The following RGPD2 variants were observed in gnomAD, a reference collection of about 807,000 sequenced individuals.
RGPD2 encodes RANBP2 like and GRIP domain containing 2.
Under a neutral mutation model 36.0 loss-of-function variants are expected in RGPD2, and 2 were observed. The ratio of observed to expected loss-of-function variants is 0.06; its 90% confidence interval spans 0.02 to 0.17. The LOEUF (loss-of-function observed/expected upper bound fraction) is 0.17, where lower values mean the gene tolerates loss of function less well. Ranked by LOEUF, RGPD2 falls within the 10% of genes least tolerant of loss-of-function variation. The pLI is 1.00. For synonymous variants in RGPD2, 19 were observed against 163.8 expected, an observed-to-expected ratio of 0.12 and a Z score of 6.75; for missense variants, 40 against 464.3, an observed-to-expected ratio of 0.09 and a Z score of 8.40.
the RGPD2 span, among the ~76,000 whole-genome samples, chr2:87,857,351 T>C: frequency 1.3e-5 from 2 of 150,534 alleles, no homozygotes; most frequent in East Asian, 1.9e-4. Context: ...TTTGTATACT[T>C]TTTTTTTTTG....
the RGPD2 span, among the ~76,000 whole-genome samples, chr2:87,971,528 G>A: frequency 7.3e-6 from 1 of 137,680 alleles, no homozygotes; most frequent in Non-Finnish European, 1.6e-5. Flanking sequence ...ATGAAGTTAT[G>A]GAAATTACAA....
chr2:87,945,164 A>G, the RGPD2 span, among the ~76,000 whole-genome samples: 2 of 152,392 alleles, frequency 1.3e-5, no homozygotes, highest in Non-Finnish European at 2.9e-5. Flanking sequence ...TTTATGTGGG[A>G]AGCAATGTAT....
At chr2:87,986,891 A>AAG in the RGPD2 span, among the ~76,000 whole-genome samples, 3 of 150,586 alleles carry the variant, frequency 2.0e-5, no homozygotes, top group Admixed American at 2.0e-4. Context: ...AAAAAAAAAA[A>AAG]TCACTATGAA....
At chr2:87,969,946 A>T in the RGPD2 span, among the ~76,000 whole-genome samples, 17 of 149,874 alleles carry the variant, frequency 1.1e-4, no homozygotes, top group African/African-American at 4.2e-4. Context: ...TTTTCAGATG[A>T]CAATTATAAA....
the RGPD2 span, among the ~76,000 whole-genome samples, chr2:87,854,650 G>A: frequency 2.6e-5 from 4 of 152,124 alleles, no homozygotes; most frequent in Admixed American, 6.5e-5. Context: ...CTTTCAGACT[G>A]GCTTCTTTCA....
the RGPD2 span, among the ~76,000 whole-genome samples, chr2:87,916,733 C>T: frequency 6.6e-6 from 1 of 151,416 alleles, no homozygotes; most frequent in African/African-American, 2.4e-5. Flanking sequence ...GAGGCCTCCC[C>T]AGAATCAGAA....
chr2:87,809,299 C>T lies in RGPD2; in HGVS notation c.779+2186G>A, dbSNP rs536019282. Reference sequence around the variant, plus strand: ...CAGCCTGGGCAACAGAGCGAGACTCCGTCTCAAAAAAAAAAAAGATCGAGA... The same window carrying T: ...CAGCCTGGGCAACAGAGCGAGACTCTGTCTCAAAAAAAAAAAAGATCGAGA... On this transcript the variant is annotated intron_variant, in intron 6 of 22. Coordinates refer to ENST00000398146, the MANE Select transcript of RGPD2 (RefSeq NM_001078170.3). 1.4e-3 allele frequency among the ~76,000 whole-genome samples: 208 copies of T among 150,828 alleles called. 7 individuals are homozygous for T. In the South Asian group the frequency reaches 0.028, roughly 21 times the overall value.
the RGPD2 span, among the ~76,000 whole-genome samples, chr2:87,961,567 AG>A: frequency 6.6e-6 from 1 of 151,178 alleles, no homozygotes; most frequent in East Asian, 2.0e-4. Context: ...CCGGGCGTGG[AG>A]GTGGGCCCCT....
the RGPD2 span, among the ~76,000 whole-genome samples, chr2:87,852,843 ATTGTT>A: frequency 6.6e-6 from 1 of 152,294 alleles, no homozygotes; most frequent in Admixed American, 6.5e-5. Context: ...CCTATTTGTT[ATTGTT>A]TTATTTTCTC....
the RGPD2 span, among the ~76,000 whole-genome samples, chr2:87,863,481 TCTGGAATTAA>T: frequency 6.6e-6 from 1 of 150,548 alleles, no homozygotes; most frequent in African/African-American, 2.5e-5. Flanking sequence ...CCTAGGCCCT[TCTGGAATTAA>T]GGTTTGGTTA....
At chr2:87,843,569 CTGGAGAGGATG>C in the RGPD2 span, among the ~76,000 whole-genome samples, 1 of 142,062 alleles carries the variant, frequency 7.0e-6, no homozygotes, top group Non-Finnish European at 1.5e-5. Context: ...ACAACAGGTG[CTGGAGAGGATG>C]TGGAGAAATA....
At chr2:87,888,627 G>A in the RGPD2 span, among the ~76,000 whole-genome samples, 591 of 32,434 alleles carry the variant, frequency 0.018, 11 homozygotes, top group South Asian at 0.045. Context: ...AATTAAATGT[G>A]TATAAATGGA....
chr2:87,947,459 G>C, the RGPD2 span, among the ~76,000 whole-genome samples: 2 of 152,272 alleles, frequency 1.3e-5, no homozygotes, highest in Admixed American at 6.5e-5. Context: ...GGCTTCCTTC[G>C]GTCCTGGATG....
chr2:87,805,859 C>CAA (rs553054856), intron 7 of RGPD2, among the ~76,000 whole-genome samples: 2 of 91,210 alleles, frequency 2.2e-5, no homozygotes, highest in African/African-American at 4.0e-5. Flanking sequence ...GACTCCGTCT[C>CAA]AAAAAAAAAA....
At chr2:87,897,618 CTCTCCCCCAACAG>C in the RGPD2 span, among the ~76,000 whole-genome samples, 15 of 151,070 alleles carry the variant, frequency 9.9e-5, no homozygotes, top group African/African-American at 3.4e-4. Flanking sequence ...CCCTAAAACT[CTCTCCCCCAACAG>C]TCTCCCCCAA....
At chr2:87,932,893 C>G in the RGPD2 span, among the ~76,000 whole-genome samples, 2 of 145,078 alleles carry the variant, frequency 1.4e-5, no homozygotes, top group African/African-American at 2.6e-5. Flanking sequence ...TTTTTTCTTT[C>G]ATTTTGACCT....
At chr2:87,882,584 C>T in the RGPD2 span, among the ~76,000 whole-genome samples, 1 of 152,170 alleles carries the variant, frequency 6.6e-6, no homozygotes, top group East Asian at 1.9e-4. Context: ...ATTAGGTGTT[C>T]TGTAGTTTCA....
chr2:87,781,408 G>A (rs1282861270), intron 20 of RGPD2, among the ~76,000 whole-genome samples: 1 of 123,700 alleles, frequency 8.1e-6, no homozygotes, highest in Non-Finnish European at 1.7e-5. Flanking sequence ...GAGCAAGACT[G>A]ACATACAACA....
the RGPD2 span, among the ~76,000 whole-genome samples, chr2:87,989,437 T>C: frequency 2.6e-5 from 4 of 152,168 alleles, no homozygotes; most frequent in Admixed American, 6.6e-5. Flanking sequence ...TTTAATGAGA[T>C]GACAAAAAAT....
Sources: gnomAD v4.1 joint callset for allele counts (sites outside exome capture counted in the v4.1 genomes callset) on GRCh38, gnomAD v4.1.1 for gene constraint, MANE v1.5 for transcripts, NCBI Gene and HGNC (gene_info 2026-07-23, HGNC 2026-07-21) for gene names.